COL6A5: variants seen among roughly 807,000 people sequenced by gnomAD.
COL6A5 encodes collagen type VI alpha 5 chain.
COL6A5 carries 48 observed loss-of-function variants against 65.6 expected under a neutral mutation model. That is an observed-to-expected ratio of 0.73 (90% CI 0.58 to 0.93). COL6A5 has a LOEUF of 0.93. COL6A5 is among the 40% of genes least tolerant of loss of function. The pLI is 0.00. For synonymous variants in COL6A5, 291 were observed against 322.8 expected (o/e 0.90, Z 1.05); for missense variants, 914 against 928.3 (o/e 0.98, Z 0.20).
exon 1 of COL6A5, chr3:130,431,785 C>G: frequency 6.4e-7 from 1 of 1,551,578 alleles, no homozygotes; most frequent in Non-Finnish European, 8.7e-7. Flanking sequence ...CGTGTTCAAG[C>G]GGACGTATGC....
intron 12 of COL6A5, among the ~76,000 whole-genome samples, chr3:130,403,281 G>T (rs10934939): frequency 6.6e-6 from 1 of 152,068 alleles, no homozygotes; most frequent in South Asian, 2.1e-4. Context: ...TTTGTCTGCT[G>T]AAAGGGTTGT....
At chr3:130,376,934 G>T in intron 3 of COL6A5, 98 bp downstream of exon 3, 1 of 1,336,396 alleles carries the variant, frequency 7.5e-7, no homozygotes, top group South Asian at 1.6e-5. Context: ...TTCATGATTA[G>T]CCATGTTGAA....
At chr3:130,475,924 G>C (rs1285123487) in intron 7 of COL6A5, among the ~76,000 whole-genome samples, 1 of 152,056 alleles carries the variant, frequency 6.6e-6, no homozygotes. Context: ...GGTTCAAAGA[G>C]GTTTAGTGCC....
At chr3:130,461,790 T>C (rs57420611) in intron 5 of COL6A5, among the ~76,000 whole-genome samples, 1,824 of 151,948 alleles carry the variant, frequency 0.012, 37 homozygotes, top group African/African-American at 0.041. Context: ...AAAACCTTCT[T>C]ATAAACTCAT....
chr3:130,439,537 A>T, exon 2 of COL6A5: 2 of 1,550,944 alleles, frequency 1.3e-6, no homozygotes, highest in Non-Finnish European at 1.7e-6. Context: ...CAACACTGGA[A>T]CATTTCAGGT....
chr3:130,457,531 A>G (rs1709599215), intron 5 of COL6A5, among the ~76,000 whole-genome samples: 1 of 152,100 alleles, frequency 6.6e-6, no homozygotes, highest in Non-Finnish European at 1.5e-5. Context: ...TCATAGCTCT[A>G]GCAGGGAAAA....
rs1363708033 is a variant in COL6A5, at chr3:130,384,789, G to C, written c.1301-15G>C. On this transcript the variant is annotated splice_polypyrimidine_tract_variant and intron_variant and NMD_transcript_variant, in intron 4 of 41. Transcript: ENST00000312481. ...CTAGGTTCTCTAATTTACAGAGAAT[G>C]CACTTCTTTTTCAGGCTGTGTGGAT... 5.3e-6 allele frequency: 8 copies of C among 1,515,836 alleles called. No homozygotes were observed. The highest frequency in any genetic ancestry group is 7.1e-6 in the Non-Finnish European group (8 of 1,131,548). The allele number at this position is 1,515,836 out of a possible 1,614,324, so 93.9% of individuals were successfully genotyped here.
intron 6 of COL6A5, 130 bp from the exon 39 acceptor site, chr3:130,470,741 A>G: frequency 4.7e-6 from 3 of 641,132 alleles, no homozygotes; most frequent in Non-Finnish European, 2.8e-6. Flanking sequence ...GAGTGTGCCT[A>G]TTTTGTGAAG....
At chr3:130,468,918 A>C (rs1335517468) in exon 6 of COL6A5, 1 of 1,612,540 alleles carries the variant, frequency 6.2e-7, no homozygotes, top group Admixed American at 1.7e-5. Flanking sequence ...GTAGGAAGTG[A>C]TGAGTTTAAG....
upstream of COL6A5, chr3:130,426,516 C>G: frequency 9.7e-7 from 1 of 1,034,198 alleles, no homozygotes; most frequent in Non-Finnish European, 1.5e-6. Flanking sequence ...TGGGAAGCCT[C>G]TGTAACAAGC....
intron 10 of COL6A5, among the ~76,000 whole-genome samples, chr3:130,399,498 G>C: frequency 6.6e-6 from 1 of 151,198 alleles, no homozygotes; most frequent in Non-Finnish European, 1.5e-5. Context: ...AGCCTCTGGA[G>C]TATCTGGGAC....
chr3:130,396,810 T>C (rs1318836281), intron 8 of COL6A5, among the ~76,000 whole-genome samples: 1 of 152,240 alleles, frequency 6.6e-6, no homozygotes, highest in African/African-American at 2.4e-5. Context: ...TTTGTGTTTG[T>C]AACCTCTAAA....
At chr3:130,421,131 A>G (rs1445652438) in intron 25 of COL6A5, 22 bp from the exon 26 acceptor site, 2 of 1,549,218 alleles carry the variant, frequency 1.3e-6, no homozygotes, top group Non-Finnish European at 1.7e-6. Flanking sequence ...AGAAATTGAA[A>G]AAAACTGGTG....
intron 1 of COL6A5, among the ~76,000 whole-genome samples, chr3:130,369,870 G>A (rs1221625813): frequency 6.6e-6 from 1 of 152,106 alleles, no homozygotes; most frequent in Non-Finnish European, 1.5e-5. Flanking sequence ...TTTGGCTGTT[G>A]GTCTACCCTG....
chr3:130,476,168 G>C (rs1343331160), intron 7 of COL6A5, among the ~76,000 whole-genome samples: 2 of 152,014 alleles, frequency 1.3e-5, no homozygotes, highest in Non-Finnish European at 2.9e-5. Context: ...TAAGGTTCTT[G>C]ATGAGGGCTC....
chr3:130,429,672 G>T (rs2107692247), upstream of COL6A5: 1 of 1,104,660 alleles, frequency 9.1e-7, no homozygotes, highest in Non-Finnish European at 1.3e-6. Context: ...TCAACTCCGT[G>T]GGAAACAGGA....
At chr3:130,484,109 A>T in exon 8 of COL6A5, 1 of 1,535,120 alleles carries the variant, frequency 6.5e-7, no homozygotes, top group South Asian at 1.2e-5. Flanking sequence ...TGTGGTTCTA[A>T]CCAGAATGTA....
At chr3:130,453,986 C>T (rs750289731) in intron 4 of COL6A5, among the ~76,000 whole-genome samples, 10 of 152,120 alleles carry the variant, frequency 6.6e-5, no homozygotes, top group South Asian at 2.1e-4. Context: ...TGTTTCCCAA[C>T]CTTGAATAAA....
At chr3:130,445,651 AGTATCATATGAGGCCTGGT>A (rs1709287448) in intron 4 of COL6A5, among the ~76,000 whole-genome samples, 1 of 152,060 alleles carries the variant, frequency 6.6e-6, no homozygotes, top group Non-Finnish European at 1.5e-5. Context: ...CAGAATGGGG[AGTATCATATGAGGCCTGGT>A]GCGGGGGGGA....
Sources: allele counts gnomAD v4.1 joint callset (sites outside exome capture counted in the v4.1 genomes callset), GRCh38; gene constraint gnomAD v4.1.1; transcripts MANE v1.5; gene names NCBI Gene and HGNC (gene_info 2026-07-23, HGNC 2026-07-21).